Variants in ADCY1 observed in about 807,000 individuals in gnomAD.
The protein encoded by ADCY1 is adenylate cyclase type 1.
Under a neutral mutation model 105.4 loss-of-function variants are expected in ADCY1, and 28 were observed. That is an observed-to-expected ratio of 0.27 (90% CI 0.20 to 0.36). The LOEUF (loss-of-function observed/expected upper bound fraction) is 0.36. Among genes scored for constraint, ADCY1 ranks in the 10% least tolerant of loss-of-function variants. The pLI, the probability that ADCY1 is intolerant of heterozygous loss-of-function variation, is 1.00. For synonymous variants in ADCY1, 655 were observed against 623.8 expected (o/e 1.05, Z -0.75); for missense variants, 977 against 1,434.2 (o/e 0.68, Z 5.15).
Position 45,655,123 on chromosome 7 carries a change from C to A in ADCY1, c.1149-2604C>A, listed in dbSNP as rs568551133. Among the ~76,000 whole-genome samples the A allele has an allele frequency of 5.1e-4, 78 of 152,328 alleles. 2 individuals are homozygous for A. The South Asian group carries it at 0.016, about 31-fold the overall frequency. On this transcript the variant is annotated intron_variant, in intron 5 of 19. Coordinates refer to ENST00000297323, the MANE Select transcript of ADCY1 (RefSeq NM_021116.4). ...AGTGCTTGAAATAATGGCTGACACT[C>A]AGTAGATGTTTGTTGAACAAGTGAA...
rs1194686936 is a variant in ADCY1, at chr7:45,721,495, G to A, written c.*7500G>A. 2.5e-6 allele frequency: 1 copy of A among 395,406 alleles called. No homozygotes were observed. Among genetic ancestry groups the A allele is most frequent in the Non-Finnish European group, 4.4e-6 (1 of 224,770 alleles). 24.5% of individuals were successfully genotyped at this position (395,406 alleles called of 1,614,324 possible). Reference sequence around the variant, plus strand: ...AAGCCTCTCTGACATCAAATGGGGAGAAATGGTGGCACCTCCAGACACCCT... The same window carrying A: ...AAGCCTCTCTGACATCAAATGGGGAAAAATGGTGGCACCTCCAGACACCCT... On this transcript the variant is annotated 3_prime_UTR_variant, in exon 20 of 20. Coordinates refer to ENST00000297323, the MANE Select transcript of ADCY1 (RefSeq NM_021116.4).
chr7:45,630,953 C>G (rs1229600279), intron 4 of ADCY1, among the ~76,000 whole-genome samples: 6 of 152,080 alleles, frequency 3.9e-5, no homozygotes, highest in Non-Finnish European at 8.8e-5. Context: ...TCCAAAATCT[C>G]TCTGGATTTC....
intron 1 of ADCY1, among the ~76,000 whole-genome samples, chr7:45,588,167 T>A (rs1218951192): frequency 1.3e-5 from 2 of 152,230 alleles, no homozygotes; most frequent in Admixed American, 1.3e-4. Flanking sequence ...GCTCAAATTG[T>A]TCCAACTTTG....
In ADCY1 at chr7:45,714,663, G is replaced by A. The variant is rs1785329810; in HGVS notation, c.*668G>A. On this transcript the variant is annotated 3_prime_UTR_variant, in exon 20 of 20. Coordinates refer to ENST00000297323, the MANE Select transcript of ADCY1 (RefSeq NM_021116.4). ...TGGTGGCTGCTGGCTTTCAAGCGTG[G>A]TTTTTTGCTAAGAGCCAGAGGCAGG... The A allele has an allele frequency of 6.6e-6, 1 of 152,662 alleles. No homozygotes were observed. Among genetic ancestry groups the A allele is most frequent in the Non-Finnish European group, 1.5e-5 (1 of 68,090 alleles). 9.5% of individuals were successfully genotyped at this position (152,662 alleles called of 1,614,324 possible).
At chr7:45,576,759 C>T (rs1294086955) in intron 1 of ADCY1, among the ~76,000 whole-genome samples, 1 of 152,148 alleles carries the variant, frequency 6.6e-6, no homozygotes, top group Non-Finnish European at 1.5e-5. Flanking sequence ...GACCCGCAAC[C>T]GCAAGACGGC....
At chr7:45,614,975 A>T (rs116892217) in intron 3 of ADCY1, among the ~76,000 whole-genome samples, 150 of 152,344 alleles carry the variant, frequency 9.8e-4, no homozygotes, top group Non-Finnish European at 2.0e-3. Flanking sequence ...GAGCATCCAG[A>T]CAAGATCAAA....
chr7:45,585,302 A>C (rs1792684992), intron 1 of ADCY1, among the ~76,000 whole-genome samples: 1 of 152,164 alleles, frequency 6.6e-6, no homozygotes, highest in Non-Finnish European at 1.5e-5. Context: ...GCTTAGCCTA[A>C]AGATTTTGAA....
chr7:45,626,305 C>G lies in ADCY1; in HGVS notation c.1020+3562C>G, dbSNP rs116918481. Among the ~76,000 whole-genome samples, 670 of 152,280 alleles carry G rather than the reference C, an allele frequency of 4.4e-3. 18 individuals carry two copies. In the East Asian group the frequency reaches 0.053, roughly 12 times the overall value. ...AAACCGTGACACCCAAACAGTGTTA[C>G]GTTTAAAGACATCCATACGCCCTGT... On this transcript the variant is annotated intron_variant, in intron 4 of 19. Coordinates refer to ENST00000297323, the MANE Select transcript of ADCY1 (RefSeq NM_021116.4).
At chr7:45,632,733 T>G (rs1282086567) in intron 4 of ADCY1, among the ~76,000 whole-genome samples, 2 of 151,572 alleles carry the variant, frequency 1.3e-5, no homozygotes, top group Non-Finnish European at 2.9e-5. Context: ...CCAGCTAATT[T>G]TTAAATTTTT....
Position 45,686,667 on chromosome 7 carries a change from C to G in ADCY1, c.2448C>G (p.Ala816=). 6.2e-7 allele frequency: 1 copy of G among 1,606,334 alleles called. No homozygotes were observed. The highest frequency in any genetic ancestry group is 8.5e-7 in the Non-Finnish European group (1 of 1,174,754). The change falls in exon 14 of 20, where the codon GCC becomes GCG. Residue 816 remains alanine, a synonymous_variant. Transcript: ENST00000297323. The surrounding 1 kb of genome is among the most constrained non-coding windows in gnomAD (Gnocchi z 4.3). ...GGCTGAGGCTGGACTACCTCTGGGC[C>G]GCACAGGCAAGACGAGCCCTTTCTG... ...DIRLRLDYLW[A]AQAEEEREDM... is the part of the protein sequence containing the mutation.
At chr7:45,712,042 T>TTATATAATATATTAAATATATATTTTA (rs1785266795) in intron 19 of ADCY1, among the ~76,000 whole-genome samples, 2 of 128,670 alleles carry the variant, frequency 1.6e-5, no homozygotes, top group African/African-American at 6.0e-5. Context: ...AATATATATT[T>TTATATAATATATTAAATATATATTTTA]TATATAATAT....
Position 45,721,098 on chromosome 7 carries a change from C to T in ADCY1, c.*7103C>T, listed in dbSNP as rs1304216044. On this transcript the variant is annotated 3_prime_UTR_variant, in exon 20 of 20. Coordinates refer to ENST00000297323, the MANE Select transcript of ADCY1 (RefSeq NM_021116.4). ...GTTTTGATGGAGAACTCTAGCTCAT[C>T]CACATGCTAGTGCCCAAGTGGTGGA... 1.3e-5 allele frequency: 2 copies of T among 152,240 alleles called. No homozygotes were observed. The highest frequency in any genetic ancestry group is 2.9e-5 in the Non-Finnish European group (2 of 68,072). 9.4% of individuals were successfully genotyped at this position (152,240 alleles called of 1,614,324 possible). A position where few individuals can be genotyped will look rare whatever the true frequency, so the allele number is the denominator to read the frequency against.
At chr7:45,682,289 G>T (rs924557362) in intron 11 of ADCY1, among the ~76,000 whole-genome samples, 6 of 152,216 alleles carry the variant, frequency 3.9e-5, no homozygotes, top group Non-Finnish European at 8.8e-5. Flanking sequence ...ACCATCTGCA[G>T]AGGGCGGCAG....
intron 5 of ADCY1, among the ~76,000 whole-genome samples, chr7:45,651,955 C>G (rs1794822775): frequency 6.6e-6 from 1 of 152,160 alleles, no homozygotes; most frequent in Admixed American, 6.5e-5. Flanking sequence ...AAAGAACTAC[C>G]TGAGACTGGG....
chr7:45,586,522 T>C (rs780998803), intron 1 of ADCY1, among the ~76,000 whole-genome samples: 1 of 152,258 alleles, frequency 6.6e-6, no homozygotes, highest in Non-Finnish European at 1.5e-5. Flanking sequence ...ATCAGCATTC[T>C]GCCGGCCCTG....
At chr7:45,616,322 G>A (rs1562690191) in intron 3 of ADCY1, among the ~76,000 whole-genome samples, 1 of 152,144 alleles carries the variant, frequency 6.6e-6, no homozygotes, top group Non-Finnish European at 1.5e-5. Context: ...AAACTATGAA[G>A]CCAGCATTGT....
At chr7:45,660,460 T>A (rs897243764) in intron 7 of ADCY1, among the ~76,000 whole-genome samples, 2 of 152,194 alleles carry the variant, frequency 1.3e-5, no homozygotes, top group Non-Finnish European at 2.9e-5. Flanking sequence ...TCCTGGGCCT[T>A]CACTGCCTCC....
chr7:45,669,220 T>C (rs1784320048), intron 8 of ADCY1, among the ~76,000 whole-genome samples: 1 of 152,216 alleles, frequency 6.6e-6, no homozygotes, highest in Non-Finnish European at 1.5e-5. Flanking sequence ...AATTGTGATG[T>C]TAGGGTGTCA....
At chr7:45,693,115 T>G (rs1421517496) in intron 14 of ADCY1, among the ~76,000 whole-genome samples, 2 of 152,236 alleles carry the variant, frequency 1.3e-5, no homozygotes, top group Non-Finnish European at 2.9e-5. Context: ...AGCGATAGAA[T>G]CGCTGGACAG....
Sources: gnomAD v4.1 joint callset for allele counts (sites outside exome capture counted in the v4.1 genomes callset) on GRCh38, gnomAD v4.1.1 for gene constraint, Gnocchi (gnomAD v3.1) non-coding constraint, MANE v1.5 for transcripts, NCBI Gene and HGNC (gene_info 2026-07-23, HGNC 2026-07-21) for gene names.